SH3KBP1: variants seen among roughly 807,000 people sequenced by gnomAD.
SH3KBP1 encodes the protein SH3 domain containing kinase binding protein 1.
A neutral mutation model predicts 50.1 loss-of-function variants in SH3KBP1; 8 were observed. The observed-to-expected ratio is 0.16, with a 90% CI of 0.09 to 0.29. The LOEUF (loss-of-function observed/expected upper bound fraction) is 0.29. Ranked by LOEUF, SH3KBP1 falls within the 10% of genes least tolerant of loss-of-function variation. The pLI is 1.00. For synonymous variants in SH3KBP1, 227 were observed against 218.6 expected (o/e 1.04, Z -0.34); for missense variants, 377 against 535.2 (o/e 0.70, Z 2.92).
chrX:19,686,774 T>C (rs931852032), intron 5 of SH3KBP1, among the ~76,000 whole-genome samples: 16 of 111,069 alleles, frequency 1.4e-4, no homozygotes, highest in Admixed American at 2.9e-4. Context: ...ATCATATCCA[T>C]ACACGTAGGT....
intron 1 of SH3KBP1, among the ~76,000 whole-genome samples, chrX:19,869,372 A>T (rs746360009): frequency 8.9e-6 from 1 of 112,259 alleles, no homozygotes; most frequent in African/African-American, 3.2e-5. Context: ...ACTGTAGCTA[A>T]GTTCTTTGCA....
intron 1 of SH3KBP1, among the ~76,000 whole-genome samples, chrX:19,879,272 C>T (rs780671479): frequency 9.8e-5 from 11 of 111,824 alleles, no homozygotes; most frequent in South Asian, 3.7e-4. Context: ...AAACTTACTA[C>T]GGAAAGAGAC....
At chrX:19,687,326 C>T (rs575536892) in intron 5 of SH3KBP1, among the ~76,000 whole-genome samples, 1 of 112,525 alleles carries the variant, frequency 8.9e-6, no homozygotes, top group African/African-American at 3.2e-5. Flanking sequence ...ACATATGCCA[C>T]GACAAATGCT....
intron 10 of SH3KBP1, among the ~76,000 whole-genome samples, chrX:19,594,051 G>T (rs773409375): frequency 4.5e-5 from 5 of 111,973 alleles, no homozygotes; most frequent in Admixed American, 9.5e-5. Context: ...TGGGCCAAAA[G>T]AACTTAAAAA....
At chrX:19,673,613 C>A (rs761947028) in intron 6 of SH3KBP1, among the ~76,000 whole-genome samples, 23 of 111,166 alleles carry the variant, frequency 2.1e-4, no homozygotes, top group Non-Finnish European at 4.2e-4. Flanking sequence ...GACCATGGAG[C>A]CCCGGGGCTG....
intron 3 of SH3KBP1, among the ~76,000 whole-genome samples, chrX:19,734,479 C>G (rs1218316052): frequency 4.5e-5 from 5 of 112,055 alleles, no homozygotes; most frequent in African/African-American, 1.6e-4. Flanking sequence ...GGCAGACAGA[C>G]AGACATAGCA....
chrX:19,801,479 C>T (rs182168644), intron 2 of SH3KBP1, among the ~76,000 whole-genome samples: 401 of 112,017 alleles, frequency 3.6e-3, no homozygotes, highest in Non-Finnish European at 6.0e-3. Context: ...AGTAACTAAC[C>T]GGGTAGCCAA....
At chrX:19,793,313 A>AATATAT (rs777838672) in intron 2 of SH3KBP1, among the ~76,000 whole-genome samples, 258 of 96,964 alleles carry the variant, frequency 2.7e-3, no homozygotes, top group Non-Finnish European at 3.9e-3. Context: ...AGGAAAAAAA[A>AATATAT]ATATATATAT....
At chrX:19,693,267 C>T (rs1228901020) in intron 5 of SH3KBP1, among the ~76,000 whole-genome samples, 1 of 110,984 alleles carries the variant, frequency 9.0e-6, no homozygotes, top group Admixed American at 9.6e-5. Flanking sequence ...ATCGTCAGTG[C>T]CTTGGACAGT....
intron 1 of SH3KBP1, among the ~76,000 whole-genome samples, chrX:19,855,409 G>A (rs1394811616): frequency 7.1e-5 from 8 of 112,537 alleles, no homozygotes; most frequent in Admixed American, 5.7e-4. Flanking sequence ...ACATAAATGA[G>A]TGAGGCTGTG....
At chrX:19,737,693 A>G (rs2064632223) in intron 3 of SH3KBP1, among the ~76,000 whole-genome samples, 1 of 111,834 alleles carries the variant, frequency 8.9e-6, no homozygotes, top group Non-Finnish European at 1.9e-5. Context: ...GGTAGACCTG[A>G]ACACCCTGGC....
At chrX:19,738,960 G>A (rs1193050718) in intron 3 of SH3KBP1, among the ~76,000 whole-genome samples, 1 of 95,873 alleles carries the variant, frequency 1.0e-5, no homozygotes, top group Non-Finnish European at 2.0e-5. Flanking sequence ...GCAGTGAGCC[G>A]AGATCATGCC....
intron 2 of SH3KBP1, among the ~76,000 whole-genome samples, chrX:19,756,673 A>G (rs2065218704): frequency 1.8e-5 from 2 of 111,386 alleles, no homozygotes. Context: ...AACTACAAAT[A>G]TACACGTGCA....
intron 2 of SH3KBP1, among the ~76,000 whole-genome samples, chrX:19,811,221 T>C (rs1207761829): frequency 9.0e-6 from 1 of 111,316 alleles, no homozygotes; most frequent in Non-Finnish European, 1.9e-5. Context: ...GATTGAATCA[T>C]GAATATAAGC....
intron 12 of SH3KBP1, among the ~76,000 whole-genome samples, chrX:19,579,261 G>T (rs2066292030): frequency 8.9e-6 from 1 of 111,933 alleles, no homozygotes; most frequent in Non-Finnish European, 1.9e-5. Flanking sequence ...CCTCTCTCCA[G>T]AGCCCATCCA....
At chrX:19,617,248 G>A (rs759250999) in intron 8 of SH3KBP1, among the ~76,000 whole-genome samples, 15 of 112,532 alleles carry the variant, frequency 1.3e-4, no homozygotes, top group Non-Finnish European at 2.4e-4. Context: ...CTTGTGATAT[G>A]TATTGTCCAA....
chrX:19,553,091 A>G (rs1293773429), intron 13 of SH3KBP1, among the ~76,000 whole-genome samples: 1 of 111,499 alleles, frequency 9.0e-6, no homozygotes, highest in Non-Finnish European at 1.9e-5. Flanking sequence ...GGTCAGACAC[A>G]CTGCAGCTGG....
At chrX:19,824,601 T>C (rs1430244649) in intron 2 of SH3KBP1, among the ~76,000 whole-genome samples, 1 of 112,302 alleles carries the variant, frequency 8.9e-6, no homozygotes, top group African/African-American at 3.2e-5. Flanking sequence ...ATCACGGTGA[T>C]ATCTCAGATG....
chrX:19,551,400 G>A (rs2065232899), intron 13 of SH3KBP1, among the ~76,000 whole-genome samples: 1 of 110,882 alleles, frequency 9.0e-6, no homozygotes, highest in Non-Finnish European at 1.9e-5. Flanking sequence ...GGTGCCAGGA[G>A]GACCCTGGCC....
Sources: allele counts gnomAD v4.1 joint callset (sites outside exome capture counted in the v4.1 genomes callset), GRCh38; gene constraint gnomAD v4.1.1; transcripts MANE v1.5; gene names NCBI Gene and HGNC (gene_info 2026-07-23, HGNC 2026-07-21).